Variants in INSC observed in about 807,000 individuals in gnomAD.
INSC encodes the protein protein inscuteable homolog.
Under a neutral mutation model 58.6 loss-of-function variants are expected in INSC, and 67 were observed. The observed-to-expected ratio is 1.14, with a 90% CI of 0.94 to 1.40. The LOEUF (loss-of-function observed/expected upper bound fraction) is 1.40, where lower values mean the gene tolerates loss of function less well. INSC is among the 40% of genes most tolerant of loss of function. The probability of loss-of-function intolerance (pLI) is 0.00; values close to 1 mark genes in which losing one functional copy is unlikely to be tolerated. For missense variants in INSC, 714 were observed against 692.0 expected, an observed-to-expected ratio of 1.03 and a Z score of -0.36; for synonymous variants, 262 against 276.1, an observed-to-expected ratio of 0.95 and a Z score of 0.51.
upstream of INSC, chr11:15,112,481 C>G: frequency 6.2e-7 from 1 of 1,609,188 alleles, no homozygotes; most frequent in Non-Finnish European, 8.5e-7. Context: ...TGAGACGGCC[C>G]CCTGGCAATG....
At chr11:15,127,874 A>G (rs528010534) in intron 1 of INSC, among the ~76,000 whole-genome samples, 1 of 152,306 alleles carries the variant, frequency 6.6e-6, no homozygotes, top group South Asian at 2.1e-4. Context: ...GTGCGCCTGT[A>G]ATCCCAGCTA....
At chr11:15,167,377 T>C (rs150614226) in intron 2 of INSC, among the ~76,000 whole-genome samples, 2,376 of 152,276 alleles carry the variant, frequency 0.016, 27 homozygotes, top group Middle Eastern at 0.041. Context: ...TAATTTGTTC[T>C]ATGTTTTCTT....
intron 10 of INSC, among the ~76,000 whole-genome samples, chr11:15,238,098 GTT>G (rs1467022922): frequency 6.6e-6 from 1 of 152,074 alleles, no homozygotes; most frequent in Non-Finnish European, 1.5e-5. Context: ...GCAGGGTGGA[GTT>G]TTTTAGATGG....
intron 5 of INSC, among the ~76,000 whole-genome samples, chr11:15,181,458 A>G (rs1021766746): frequency 2.0e-5 from 3 of 152,140 alleles, no homozygotes; most frequent in Non-Finnish European, 4.4e-5. Flanking sequence ...GACTCCTTCA[A>G]TTATGGTTGG....
intron 5 of INSC, among the ~76,000 whole-genome samples, chr11:15,190,164 G>C (rs1380719755): frequency 1.3e-5 from 2 of 152,146 alleles, no homozygotes; most frequent in Non-Finnish European, 2.9e-5. Flanking sequence ...AGCTATTGGG[G>C]AGAGCAAATG....
At chr11:15,257,129 T>A in the INSC span, among the ~76,000 whole-genome samples, 1 of 152,306 alleles carries the variant, frequency 6.6e-6, no homozygotes, top group African/African-American at 2.4e-5. Flanking sequence ...ATTATAAAAT[T>A]GCAAGATCAA....
rs66649068 is a variant in INSC, at chr11:15,236,055, CA to C, written c.1237+410del. The stretch of plus-strand genomic sequence containing the variant: ...TGGGCAACAGAGCGAGACTCTGTCT[CA>C]AAAAAAAAAAAAAAAAAAAAAATAG... On this transcript the variant is annotated intron_variant, in intron 10 of 12. Transcript: ENST00000379556. Among the ~76,000 whole-genome samples, 476 of 99,010 alleles carry C rather than the reference CA, an allele frequency of 4.8e-3. 1 individual carries two copies. Among genetic ancestry groups the C allele is most frequent in the Middle Eastern group, 0.012 (2 of 162 alleles). The allele number at this position is 99,010 out of a possible 152,430, so 65.0% of individuals were successfully genotyped here.
At chr11:15,135,511 T>C (rs536442274) in intron 1 of INSC, among the ~76,000 whole-genome samples, 9 of 152,230 alleles carry the variant, frequency 5.9e-5, no homozygotes, top group Admixed American at 5.9e-4. Flanking sequence ...GGTTGTAGAA[T>C]AGGTGATGGT....
At chr11:15,154,436 A>G (rs1240339219) in intron 2 of INSC, among the ~76,000 whole-genome samples, 1 of 152,220 alleles carries the variant, frequency 6.6e-6, no homozygotes, top group African/African-American at 2.4e-5. Context: ...ATTAATTTAA[A>G]TACGCCCTTT....
At chr11:15,129,603 C>T (rs1177524030) in intron 1 of INSC, among the ~76,000 whole-genome samples, 1 of 152,154 alleles carries the variant, frequency 6.6e-6, no homozygotes, top group Non-Finnish European at 1.5e-5. Context: ...CTTGCACATG[C>T]TAAGGTTCAT....
chr11:15,161,488 C>T lies in INSC; in HGVS notation c.56+12258C>T, dbSNP rs117889147. ...TAGTGCATGGAGACAGGAGAGAACA[C>T]AGAGAAGCTCAGAGGAAAAGGGGGC... On this transcript the variant is annotated intron_variant, in intron 2 of 12. Coordinates refer to ENST00000379556, the MANE Select transcript of INSC (RefSeq NM_001042536.3). 6.2e-3 allele frequency among the ~76,000 whole-genome samples: 939 copies of T among 152,220 alleles called. 4 individuals are homozygous for T. The highest frequency in any genetic ancestry group is 0.011 in the Admixed American group (163 of 15,286).
intron 4 of INSC, 76 bp from the exon 5 acceptor site, chr11:15,178,248 G>C: frequency 6.3e-7 from 1 of 1,582,698 alleles, no homozygotes; most frequent in South Asian, 1.1e-5. Flanking sequence ...AGCAGGTCCA[G>C]TTCTGGCCCG....
intron 7 of INSC, among the ~76,000 whole-genome samples, chr11:15,203,561 G>A (rs1456326036): frequency 6.6e-6 from 1 of 152,222 alleles, no homozygotes; most frequent in Non-Finnish European, 1.5e-5. Context: ...CCATAGTATG[G>A]ATGAAAATAC....
intron 6 of INSC, among the ~76,000 whole-genome samples, chr11:15,191,751 C>G (rs576460756): frequency 7.9e-5 from 12 of 152,296 alleles, no homozygotes; most frequent in Admixed American, 6.5e-4. Context: ...ACCACCAACT[C>G]GGAGGTTTGT....
chr11:15,174,265 CAA>C (rs1396186256), intron 2 of INSC, among the ~76,000 whole-genome samples: 1 of 152,172 alleles, frequency 6.6e-6, no homozygotes, highest in Non-Finnish European at 1.5e-5. Context: ...AGTCTTTGCT[CAA>C]GTGTCTCTTT....
intron 12 of INSC, among the ~76,000 whole-genome samples, chr11:15,245,385 A>C (rs1194644332): frequency 6.6e-6 from 1 of 152,198 alleles, no homozygotes; most frequent in African/African-American, 2.4e-5. Flanking sequence ...CACAAAATAG[A>C]AATAGCATAC....
At chr11:15,224,561 G>A (rs1392419831) in intron 8 of INSC, among the ~76,000 whole-genome samples, 2 of 152,186 alleles carry the variant, frequency 1.3e-5, no homozygotes, top group Non-Finnish European at 2.9e-5. Flanking sequence ...CTTGCCTCCT[G>A]TGGTTTTGTG....
At chr11:15,150,123 C>T (rs1465587030) in intron 2 of INSC, among the ~76,000 whole-genome samples, 2 of 152,146 alleles carry the variant, frequency 1.3e-5, no homozygotes, top group African/African-American at 2.4e-5. Context: ...TCCTTTAATA[C>T]GTTCAAAGCC....
intron 2 of INSC, among the ~76,000 whole-genome samples, chr11:15,166,421 G>A (rs964630633): frequency 1.3e-5 from 2 of 152,136 alleles, no homozygotes; most frequent in African/African-American, 4.8e-5. Context: ...CATACTTTTT[G>A]TGGGATCTAG....
Sources: allele counts gnomAD v4.1 joint callset (sites outside exome capture counted in the v4.1 genomes callset), GRCh38; gene constraint gnomAD v4.1.1; transcripts MANE v1.5; gene names NCBI Gene and HGNC (gene_info 2026-07-23, HGNC 2026-07-21).